Variants in DCDC1 observed in about 807,000 individuals in gnomAD.
DCDC1 encodes doublecortin domain-containing protein 1.
In DCDC1, 200 loss-of-function variants were observed where a neutral mutation model predicts 178.3. That is an observed-to-expected ratio of 1.12 (90% confidence interval 1.00 to 1.26). The LOEUF is 1.26. Ranked by LOEUF, DCDC1 falls within the 50% of genes most tolerant of loss-of-function variation. The pLI, the probability that DCDC1 is intolerant of heterozygous loss-of-function variation, is 0.00. For synonymous variants in DCDC1, 690 were observed against 604.8 expected, an observed-to-expected ratio of 1.14 and a Z score of -2.07; for missense variants, 1,983 against 1,749.2, an observed-to-expected ratio of 1.13 and a Z score of -2.38.
chr11:31,207,836 T>C (rs1972051216), intron 9 of DCDC1, among the ~76,000 whole-genome samples: 1 of 152,204 alleles, frequency 6.6e-6, no homozygotes, highest in Non-Finnish European at 1.5e-5. Context: ...GTCCAAAGTG[T>C]TCTTGGCAAG....
intron 9 of DCDC1, among the ~76,000 whole-genome samples, chr11:31,165,270 G>A (rs1256559438): frequency 6.6e-6 from 1 of 151,896 alleles, no homozygotes; most frequent in Non-Finnish European, 1.5e-5. Flanking sequence ...ATTTCTTTGA[G>A]CTATATTTTG....
At chr11:31,156,135 G>C (rs1344970726) in intron 9 of DCDC1, 4 of 152,058 alleles carry the variant, frequency 2.6e-5, no homozygotes, top group Non-Finnish European at 5.9e-5. Context: ...TAAAATATAT[G>C]AACTTAAATA....
intron 25 of DCDC1, among the ~76,000 whole-genome samples, chr11:30,919,988 C>T (rs1036803032): frequency 6.6e-6 from 1 of 152,130 alleles, no homozygotes; most frequent in Non-Finnish European, 1.5e-5. Flanking sequence ...ACAGTCATTG[C>T]TGTAATTGAC....
intron 9 of DCDC1, among the ~76,000 whole-genome samples, chr11:31,159,801 C>T (rs1966125079): frequency 1.3e-5 from 2 of 152,124 alleles, no homozygotes; most frequent in African/African-American, 2.4e-5. Context: ...AAATCAATGG[C>T]TTAGCTGTGT....
intron 17 of DCDC1, among the ~76,000 whole-genome samples, chr11:31,082,634 A>G (rs1414545825): frequency 6.6e-6 from 1 of 151,708 alleles, no homozygotes; most frequent in Non-Finnish European, 1.5e-5. Context: ...ATATGTGTGT[A>G]ATACATCTAC....
intron 9 of DCDC1, among the ~76,000 whole-genome samples, chr11:31,213,092 A>C (rs1416634105): frequency 2.1e-5 from 2 of 95,640 alleles, no homozygotes; most frequent in African/African-American, 8.6e-5. Context: ...CTTCTATATA[A>C]AGCCCAGCCT....
At chr11:30,971,526 A>T (rs955189708) in intron 20 of DCDC1, among the ~76,000 whole-genome samples, 2 of 119,262 alleles carry the variant, frequency 1.7e-5, no homozygotes, top group South Asian at 5.6e-4. Flanking sequence ...TGAATGACAT[A>T]AAAAAATACA....
At chr11:31,056,514 A>T (rs927270338) in intron 20 of DCDC1, among the ~76,000 whole-genome samples, 1 of 152,130 alleles carries the variant, frequency 6.6e-6, no homozygotes, top group Non-Finnish European at 1.5e-5. Flanking sequence ...GCAAACACTG[A>T]CCAAAAAGCT....
chr11:31,097,490 GA>G (rs1010796046), intron 15 of DCDC1, among the ~76,000 whole-genome samples: 1 of 152,160 alleles, frequency 6.6e-6, no homozygotes, highest in African/African-American at 2.4e-5. Flanking sequence ...GCTAATTAAA[GA>G]AAATGTTATA....
At chr11:30,994,622 T>A (rs1469510106) in intron 20 of DCDC1, among the ~76,000 whole-genome samples, 5 of 145,702 alleles carry the variant, frequency 3.4e-5, no homozygotes, top group Non-Finnish European at 6.0e-5. Flanking sequence ...TCTATATATA[T>A]AAATTATTTA....
At chr11:31,224,931 C>A (rs754730985) in intron 9 of DCDC1, among the ~76,000 whole-genome samples, 3 of 152,110 alleles carry the variant, frequency 2.0e-5, no homozygotes, top group African/African-American at 7.2e-5. Flanking sequence ...AGTACAATGA[C>A]TATGGAAAAC....
chr11:31,049,987 G>C (rs778334627), intron 20 of DCDC1, among the ~76,000 whole-genome samples: 1 of 152,180 alleles, frequency 6.6e-6, no homozygotes, highest in Non-Finnish European at 1.5e-5. Flanking sequence ...AATTTGAACA[G>C]GGCAAGAAGC....
intron 21 of DCDC1, among the ~76,000 whole-genome samples, chr11:30,937,063 T>C (rs1366681581): frequency 6.6e-6 from 1 of 152,154 alleles, no homozygotes; most frequent in Non-Finnish European, 1.5e-5. Context: ...TACCTTTATT[T>C]GTCCTTCCTC....
intron 9 of DCDC1, among the ~76,000 whole-genome samples, chr11:31,207,664 T>C (rs976537250): frequency 6.6e-6 from 1 of 152,198 alleles, no homozygotes; most frequent in Non-Finnish European, 1.5e-5. Flanking sequence ...AAACATGCCT[T>C]AATGTAAAAT....
rs751171861 is a variant in DCDC1, at chr11:31,077,928, G to C, written c.2238-3C>G. On this transcript the variant is annotated splice_polypyrimidine_tract_variant and splice_region_variant and intron_variant, in intron 17 of 38. Coordinates refer to ENST00000684477, the MANE Select transcript of DCDC1 (RefSeq NM_001387274.1). ...TCTGAGAGTCATCTCCACTATGTCT[G>C]TAACGAAAATGTAATTTAGAGATTG... 2 of 765,944 alleles carry C rather than the reference G, an allele frequency of 2.6e-6. No individual in the cohort carries two copies. Among genetic ancestry groups the C allele is most frequent in the Non-Finnish European group, 2.4e-6 (1 of 417,654 alleles). 47.4% of individuals were successfully genotyped at this position (765,944 alleles called of 1,614,324 possible).
rs533991024 is a variant in DCDC1 at position 30,942,512 on chromosome 11, G to A, written c.2715+9933C>T. Among the ~76,000 whole-genome samples, 11 of 152,250 alleles carry A rather than the reference G, an allele frequency of 7.2e-5. No individual in the cohort carries two copies. In the East Asian group the frequency reaches 1.7e-3, roughly 24 times the overall value. ...TTCTTTCTGAACCATGGCAGGGAAAGGCAAAAGAAACAAGATTCTCCTTCA... is the reference window on the plus strand; with the variant it reads ...TTCTTTCTGAACCATGGCAGGGAAAAGCAAAAGAAACAAGATTCTCCTTCA... On this transcript the variant is annotated intron_variant, in intron 21 of 38. Coordinates refer to ENST00000684477, the MANE Select transcript of DCDC1 (RefSeq NM_001387274.1).
intron 20 of DCDC1, among the ~76,000 whole-genome samples, chr11:30,957,596 T>C (rs979746893): frequency 1.3e-5 from 2 of 152,192 alleles, no homozygotes; most frequent in African/African-American, 4.8e-5. Context: ...AGAGGTGCAG[T>C]GTTGGTCCTA....
chr11:31,111,756 G>A (rs575498565), intron 11 of DCDC1, among the ~76,000 whole-genome samples: 1 of 152,230 alleles, frequency 6.6e-6, no homozygotes, highest in African/African-American at 2.4e-5. Context: ...ACAATTCTAG[G>A]TGGCATGTAT....
intron 9 of DCDC1, among the ~76,000 whole-genome samples, chr11:31,190,864 T>A (rs2136348075): frequency 6.6e-6 from 1 of 152,222 alleles, no homozygotes; most frequent in Non-Finnish European, 1.5e-5. Context: ...CTTAGACCAT[T>A]TTTCTACTTT....
Sources: allele counts gnomAD v4.1 joint callset (sites outside exome capture counted in the v4.1 genomes callset), GRCh38; gene constraint gnomAD v4.1.1; transcripts MANE v1.5; gene names NCBI Gene and HGNC (gene_info 2026-07-23, HGNC 2026-07-21).